The following ANXA3 variants were observed in gnomAD, a reference collection of about 807,000 sequenced individuals.
ANXA3 encodes 35-alpha calcimedin.
A neutral mutation model predicts 48.8 loss-of-function variants in ANXA3; 46 were observed. The observed-to-expected ratio is 0.94, with a 90% CI of 0.74 to 1.21. The LOEUF (loss-of-function observed/expected upper bound fraction) is 1.21. ANXA3 is among the 50% of genes most tolerant of loss of function. The pLI, the probability that ANXA3 is intolerant of heterozygous loss-of-function variation, is 0.00. For missense variants in ANXA3, 383 were observed against 378.6 expected (o/e 1.01, Z -0.10); for synonymous variants, 128 against 134.7 (o/e 0.95, Z 0.35).
At chr4:78,603,350 T>C (rs1723584009) in intron 11 of ANXA3, 2 of 152,220 alleles carry the variant, frequency 1.3e-5, no homozygotes, top group African/African-American at 2.4e-5. Context: ...AAAATCCACC[T>C]AACTGCTCAG....
In ANXA3 at chr4:78,578,298, C is replaced by CGAGAGCGA. The variant is rs1451574068; in HGVS notation, c.104-724_104-723insCGAGAGAG. ...GAAAGGGCGAAGGGGAGAGAGAGAG[C>CGAGAGCGA]GAGAGAGAGAGAGAGAGAGAGAGAG... is the stretch of plus-strand genomic sequence containing the variant. On this transcript the variant is annotated intron_variant, in intron 3 of 12. Transcript: ENST00000264908. Among the ~76,000 whole-genome samples the CGAGAGCGA allele has an allele frequency of 1.3e-3, 61 of 46,514 alleles. 2 individuals are homozygous for CGAGAGCGA. The highest frequency in any genetic ancestry group is 4.7e-3 in the African/African-American group (59 of 12,622). 30.5% of individuals were successfully genotyped at this position (46,514 alleles called of 152,430 possible). A position where few individuals can be genotyped will look rare whatever the true frequency, so the allele number is the denominator to read the frequency against.
intron 3 of ANXA3, among the ~76,000 whole-genome samples, chr4:78,574,183 G>C (rs1361543993): frequency 6.6e-6 from 1 of 152,096 alleles, no homozygotes; most frequent in Non-Finnish European, 1.5e-5. Context: ...CTTTGGGAGG[G>C]GGAGGCAGGA....
chr4:78,551,954 C>T (rs910213160), intron 1 of ANXA3, 95 bp downstream of exon 1: 11 of 152,422 alleles, frequency 7.2e-5, no homozygotes, highest in African/African-American at 2.6e-4. Flanking sequence ...GCCCAGTTCC[C>T]CCGCGAGTGC....
At chr4:78,599,140 C>T (rs1259287335) in intron 10 of ANXA3, among the ~76,000 whole-genome samples, 12 of 152,138 alleles carry the variant, frequency 7.9e-5, no homozygotes, top group South Asian at 2.1e-4. Context: ...ATATAACTTA[C>T]ATACCATAAA....
At chr4:78,561,646 T>A (rs1722630225) in intron 2 of ANXA3, among the ~76,000 whole-genome samples, 2 of 152,154 alleles carry the variant, frequency 1.3e-5, no homozygotes, top group African/African-American at 4.8e-5. Flanking sequence ...TCCTCTGGTC[T>A]CCCTCACATC....
chr4:78,567,506 A>G (rs1335898725), intron 2 of ANXA3, among the ~76,000 whole-genome samples: 1 of 152,246 alleles, frequency 6.6e-6, no homozygotes, highest in Non-Finnish European at 1.5e-5. Flanking sequence ...TTTTGAGTAT[A>G]CATGGAGACA....
chr4:78,575,388 G>A (rs1292026193), intron 3 of ANXA3, among the ~76,000 whole-genome samples: 5 of 151,800 alleles, frequency 3.3e-5, no homozygotes, highest in Admixed American at 2.6e-4. Context: ...TAATTCCCAC[G>A]TGTTGTGGGA....
At position 78,573,223 on chromosome 4, in the gene ANXA3, C is replaced by G. The variant is rs769688316; in HGVS notation, c.59C>G (p.Pro20Arg). The change falls in exon 3 of 13, where the codon CCA becomes CGA. Residue 20 changes from proline to arginine, a missense_variant. Pro to Arg is a moderately radical substitution (Grantham distance 103, BLOSUM62 -2). Coordinates refer to ENST00000264908, the MANE Select transcript of ANXA3 (RefSeq NM_005139.3). ...GTAAGAGATTATCCAGACTTTAGCC[C>G]ATCAGTGGATGCTGAAGCTATTCAG... ...GTVRDYPDFS[P>R]SVDAEAIQKA... 1.5e-5 allele frequency: 24 copies of G among 1,613,636 alleles called. No individual in the cohort carries two copies. The highest frequency in any genetic ancestry group is 1.9e-5 in the Non-Finnish European group (22 of 1,179,722).
At position 78,607,466 on chromosome 4, in the gene ANXA3, A is replaced by G. The variant is rs1723674162; in HGVS notation, c.913-2590A>G. ...GGTGGGAAGGAGAAGGCAAGGAAGA[A>G]CAGAGGTGAAAAACCAATGTGTACC... On this transcript the variant is annotated intron_variant, in intron 12 of 12. Coordinates refer to ENST00000264908, the MANE Select transcript of ANXA3 (RefSeq NM_005139.3). Among the ~76,000 whole-genome samples, 6 of 152,340 alleles carry G rather than the reference A, an allele frequency of 3.9e-5. No individual in the cohort carries two copies. In the South Asian group the frequency reaches 1.2e-3, roughly 32 times the overall value.
At chr4:78,586,175 CTA>C in intron 5 of ANXA3, 83 bp from the exon 6 acceptor site, 1 of 942,302 alleles carries the variant, frequency 1.1e-6, no homozygotes, top group Non-Finnish European at 1.6e-6. Flanking sequence ...GTCCTTTCAT[CTA>C]TATAAACAAG....
chr4:78,607,791 G>T (rs1723681773), intron 12 of ANXA3, among the ~76,000 whole-genome samples: 1 of 152,116 alleles, frequency 6.6e-6, no homozygotes, highest in Admixed American at 6.5e-5. Context: ...TAGAGAAATG[G>T]GTCTTGAGCC....
chr4:78,594,692 T>G (rs1449053108), intron 7 of ANXA3, among the ~76,000 whole-genome samples: 1 of 152,256 alleles, frequency 6.6e-6, no homozygotes, highest in Non-Finnish European at 1.5e-5. Context: ...AGATGTCTGT[T>G]GAGATCTTTC....
At chr4:78,562,085 A>G (rs976484570) in intron 2 of ANXA3, among the ~76,000 whole-genome samples, 3 of 152,218 alleles carry the variant, frequency 2.0e-5, no homozygotes, top group Admixed American at 6.5e-5. Context: ...TGCAAAGCTA[A>G]TGTTTAACCA....
At chr4:78,557,544 A>T (rs2109923603) in intron 2 of ANXA3, among the ~76,000 whole-genome samples, 1 of 152,280 alleles carries the variant, frequency 6.6e-6, no homozygotes, top group African/African-American at 2.4e-5. Context: ...TGGCTACATC[A>T]GGGATGGTAG....
intron 2 of ANXA3, among the ~76,000 whole-genome samples, chr4:78,566,013 GAA>G (rs1483105153): frequency 6.6e-6 from 1 of 152,156 alleles, no homozygotes; most frequent in Non-Finnish European, 1.5e-5. Flanking sequence ...TAGAGGGAAA[GAA>G]AAGAGAGAGC....
At chr4:78,597,702 T>G (rs956806326) in intron 10 of ANXA3, among the ~76,000 whole-genome samples, 6 of 152,100 alleles carry the variant, frequency 3.9e-5, no homozygotes, top group Non-Finnish European at 7.4e-5. Flanking sequence ...AGCCTCAACC[T>G]CCTGGGCTCA....
intron 2 of ANXA3, among the ~76,000 whole-genome samples, chr4:78,556,537 T>A (rs1378753948): frequency 1.3e-5 from 2 of 152,052 alleles, no homozygotes; most frequent in Non-Finnish European, 2.9e-5. Context: ...TTATATTTTA[T>A]AAGTAAGGTG....
At chr4:78,586,638 T>C (rs888649678) in intron 6 of ANXA3, among the ~76,000 whole-genome samples, 1 of 152,240 alleles carries the variant, frequency 6.6e-6, no homozygotes, top group Admixed American at 6.5e-5. Flanking sequence ...AATTAACCAT[T>C]GTCATCAATG....
rs995498565 is a variant in ANXA3, at chr4:78,578,306, A to C, written c.104-721A>C. ...GAAGGGGAGAGAGAGAGCGAGAGAG[A>C]GAGAGAGAGAGAGAGAGAGAGAGAA... On this transcript the variant is annotated intron_variant, in intron 3 of 12. Transcript: ENST00000264908. Among the ~76,000 whole-genome samples, 213 of 104,350 alleles carry C rather than the reference A, an allele frequency of 2.0e-3. 5 individuals are homozygous for C. Among genetic ancestry groups the C allele is most frequent in the African/African-American group, 7.1e-3 (196 of 27,610 alleles). The allele number at this position is 104,350 out of a possible 152,430, so 68.5% of individuals were successfully genotyped here.
Sources: gnomAD v4.1 joint callset for allele counts (sites outside exome capture counted in the v4.1 genomes callset) on GRCh38, gnomAD v4.1.1 for gene constraint, MANE v1.5 for transcripts, NCBI Gene and HGNC (gene_info 2026-07-23, HGNC 2026-07-21) for gene names.